The following PKHD1L1 variants were observed in gnomAD, a reference collection of about 807,000 sequenced individuals.
The protein encoded by PKHD1L1 is PKHD1 like 1, also known as fibrocystin-L.
Under a neutral mutation model 462.9 loss-of-function variants are expected in PKHD1L1, and 434 were observed. The observed-to-expected ratio is 0.94, with a 90% CI of 0.87 to 1.02. The LOEUF is 1.02. Among genes scored for constraint, PKHD1L1 ranks in the 50% least tolerant of loss-of-function variants. The pLI, the probability that PKHD1L1 is intolerant of heterozygous loss-of-function variation, is 0.00. For missense variants in PKHD1L1, 5,202 were observed against 5,096.1 expected, an observed-to-expected ratio of 1.02 and a Z score of -0.63; for synonymous variants, 1,781 against 1,750.0, an observed-to-expected ratio of 1.02 and a Z score of -0.44.
rs562807231 is a variant in PKHD1L1 at position 109,407,154 on chromosome 8, G to C, written c.1813+676G>C. ...AAAGTAGGTCCCTGAATGTGTGTGT[G>C]TTTACTTTTCTTTGGGCAATCATTG... On this transcript the variant is annotated intron_variant, in intron 17 of 77. Coordinates refer to ENST00000378402, the MANE Select transcript of PKHD1L1 (RefSeq NM_177531.6). Among the ~76,000 whole-genome samples the C allele has an allele frequency of 2.0e-5, 3 of 152,078 alleles. No homozygotes were observed. In the South Asian group the frequency reaches 6.2e-4, roughly 31 times the overall value.
chr8:109,444,872 C>A lies in PKHD1L1; in HGVS notation c.5003C>A (p.Ala1668Glu), dbSNP rs374332865. 1 of 1,613,974 alleles carries A rather than the reference C, an allele frequency of 6.2e-7. No individual in the cohort carries two copies. Among genetic ancestry groups the A allele is most frequent in the East Asian group, 2.2e-5 (1 of 44,882 alleles). Residue 1668 changes from alanine to glutamate, a missense_variant, in exon 38 of 78, where the codon GCA becomes GAA. By Grantham distance (107) the Ala-to-Glu change is moderately radical. Transcript: ENST00000378402. The part of the protein sequence containing the change: ...LPNIDLVLPN[A>E]GSTTGMTSVT... Reference sequence around the variant, plus strand: ...AACATTGACCTGGTGTTGCCAAATGCAGGATCAACTACAGGAATGACAAGC... The same window carrying A: ...AACATTGACCTGGTGTTGCCAAATGAAGGATCAACTACAGGAATGACAAGC...
chr8:109,460,441 A>G (rs1394575695), intron 47 of PKHD1L1, among the ~76,000 whole-genome samples: 2 of 152,160 alleles, frequency 1.3e-5, no homozygotes, highest in Non-Finnish European at 2.9e-5. Flanking sequence ...GGGAAAATCT[A>G]TAGATATATA....
chr8:109,515,062 T>C (rs1208329803), intron 71 of PKHD1L1, 108 bp from the exon 72 acceptor site: 1 of 882,692 alleles, frequency 1.1e-6, no homozygotes, highest in Non-Finnish European at 1.6e-6. Context: ...TCCATAAAAC[T>C]TAGTTTTAAT....
intron 71 of PKHD1L1, among the ~76,000 whole-genome samples, chr8:109,512,791 T>G (rs1446558235): frequency 6.6e-6 from 1 of 151,906 alleles, no homozygotes; most frequent in Non-Finnish European, 1.5e-5. Context: ...TTGGGCAGTA[T>G]GGCCATTTTC....
At chr8:109,467,049 T>G (rs1817480463) in intron 50 of PKHD1L1, among the ~76,000 whole-genome samples, 1 of 151,970 alleles carries the variant, frequency 6.6e-6, no homozygotes, top group African/African-American at 2.4e-5. Flanking sequence ...CAAGTAAAAA[T>G]GTACCAGTGT....
At chr8:109,467,115 G>A (rs1817484528) in intron 50 of PKHD1L1, among the ~76,000 whole-genome samples, 2 of 152,158 alleles carry the variant, frequency 1.3e-5, no homozygotes, top group South Asian at 4.1e-4. Flanking sequence ...GATGGGATGG[G>A]GGAGCATTTA....
At chr8:109,527,850 C>T (rs1278234693) in intron 77 of PKHD1L1, among the ~76,000 whole-genome samples, 1 of 152,218 alleles carries the variant, frequency 6.6e-6, no homozygotes, top group African/African-American at 2.4e-5. Context: ...AAGAGCTAAC[C>T]TCTTTCCCAA....
Position 109,430,534 on chromosome 8 carries a change from A to G in PKHD1L1, c.3229+497A>G, listed in dbSNP as rs138956890. 1.9e-3 allele frequency among the ~76,000 whole-genome samples: 291 copies of G among 152,320 alleles called. 1 individual carries two copies. Among genetic ancestry groups the G allele is most frequent in the African/African-American group, 6.8e-3 (284 of 41,584 alleles). ...AAAATTATTGCCATGAACTCAATCT[A>G]AGGAACACATTATGCCATTTCTTCA... is the stretch of plus-strand genomic sequence containing the variant. On this transcript the variant is annotated intron_variant, in intron 27 of 77. Transcript: ENST00000378402.
At chr8:109,451,813 C>A (rs1816533676) in intron 41 of PKHD1L1, among the ~76,000 whole-genome samples, 2 of 152,178 alleles carry the variant, frequency 1.3e-5, no homozygotes, top group Non-Finnish European at 2.9e-5. Context: ...CCTTGAAAAT[C>A]TCTTTTAAAA....
Position 109,530,095 on chromosome 8 carries a change from C to G in PKHD1L1, c.*5C>G, listed in dbSNP as rs774751718. On this transcript the variant is annotated 3_prime_UTR_variant, in exon 78 of 78. Transcript: ENST00000378402. Reference sequence around the variant, plus strand: ...CATTTTTCAGGAAGCTACTAAAGTGCTGTTCCGAAGAATAGGCTGAAACAA... The same window carrying G: ...CATTTTTCAGGAAGCTACTAAAGTGGTGTTCCGAAGAATAGGCTGAAACAA... 2.1e-5 allele frequency: 28 copies of G among 1,361,600 alleles called. 1 individual carries two copies. In the South Asian group the frequency reaches 4.5e-4, roughly 22 times the overall value. The allele number at this position is 1,361,600 out of a possible 1,614,324, so 84.3% of individuals were successfully genotyped here.
At position 109,531,066 on chromosome 8, in the gene PKHD1L1, C is replaced by T. The variant is rs115380742; in HGVS notation, c.*976C>T. Among the ~76,000 whole-genome samples the T allele has an allele frequency of 2.5e-3, 374 of 152,280 alleles. 1 individual carries two copies. Among genetic ancestry groups the T allele is most frequent in the African/African-American group, 8.5e-3 (354 of 41,534 alleles). The stretch of plus-strand genomic sequence containing the variant: ...AGGGAATACTTAATTTGACAGAACT[C>T]CTAATAAAGACATTGTAGCCAGATC... On this transcript the variant is annotated 3_prime_UTR_variant, in exon 78 of 78. Transcript: ENST00000378402.
intron 51 of PKHD1L1, 114 bp from the exon 52 acceptor site, chr8:109,476,394 G>A: frequency 1.4e-6 from 1 of 730,846 alleles, no homozygotes; most frequent in Non-Finnish European, 2.0e-6. Context: ...ACAAACTAAA[G>A]CCAAAACTTT....
At chr8:109,505,366 C>A (rs1430532015) in intron 68 of PKHD1L1, among the ~76,000 whole-genome samples, 1 of 152,106 alleles carries the variant, frequency 6.6e-6, no homozygotes, top group East Asian at 1.9e-4. Context: ...TATAAATACA[C>A]ATAAACTTAG....
chr8:109,500,535 A>AG (rs1286372176), intron 67 of PKHD1L1, among the ~76,000 whole-genome samples: 1 of 140,258 alleles, frequency 7.1e-6, no homozygotes, highest in Non-Finnish European at 1.5e-5. Flanking sequence ...AAAAAAAAAA[A>AG]AAAACCTAGC....
Position 109,378,181 on chromosome 8 carries a change from T to A in PKHD1L1, c.164-3189T>A, listed in dbSNP as rs186777934. ...AATATTTGTTCTTTTCACTTTACTG[T>A]CCTCTGATCTTCTCTTGAACTGATG... On this transcript the variant is annotated intron_variant, in intron 2 of 77. Transcript: ENST00000378402. 5.8e-4 allele frequency among the ~76,000 whole-genome samples: 89 copies of A among 152,330 alleles called. No homozygotes were observed. The East Asian group carries it at 0.012, about 20-fold the overall frequency.
chr8:109,383,126 TTA>T (rs562726098), intron 4 of PKHD1L1, among the ~76,000 whole-genome samples: 3 of 96,450 alleles, frequency 3.1e-5, no homozygotes, highest in Non-Finnish European at 5.5e-5. Flanking sequence ...TAATATATAG[TTA>T]TATATATTAT....
At chr8:109,389,720 G>T (rs543705864) in intron 8 of PKHD1L1, among the ~76,000 whole-genome samples, 1 of 152,166 alleles carries the variant, frequency 6.6e-6, no homozygotes, top group South Asian at 2.1e-4. Context: ...TAGAGATGGG[G>T]TTTTGCCATA....
chr8:109,444,924 C>A lies in PKHD1L1; in HGVS notation c.5055C>A (p.Ala1685=). ...TSVTIKGSGF[A]VSSAGVKVLM... ...TGACCATAAAAGGCTCTGGATTTGC[C>A]GTTTCTTCTGCAGGTGTAAAAGTCC... The change falls in exon 38 of 78, where the codon GCC becomes GCA. Residue 1685 remains alanine, a synonymous_variant. Transcript: ENST00000378402. 6.2e-7 allele frequency: 1 copy of A among 1,613,928 alleles called. No homozygotes were observed. Among genetic ancestry groups the A allele is most frequent in the Non-Finnish European group, 8.5e-7 (1 of 1,179,876 alleles).
intron 2 of PKHD1L1, among the ~76,000 whole-genome samples, chr8:109,372,851 A>G (rs967140123): frequency 2.6e-5 from 4 of 152,176 alleles, no homozygotes; most frequent in Non-Finnish European, 5.9e-5. Context: ...CCCAGGGATG[A>G]AGCCCACTTG....
Sources: allele counts gnomAD v4.1 joint callset (sites outside exome capture counted in the v4.1 genomes callset), GRCh38; gene constraint gnomAD v4.1.1; transcripts MANE v1.5; gene names NCBI Gene and HGNC (gene_info 2026-07-23, HGNC 2026-07-21).